JAK1: variants seen among roughly 807,000 people sequenced by gnomAD.
JAK1 encodes tyrosine-protein kinase JAK1.
Under a neutral mutation model 136.6 loss-of-function variants are expected in JAK1, and 16 were observed. That is an observed-to-expected ratio of 0.12 (90% CI 0.08 to 0.18). The LOEUF (loss-of-function observed/expected upper bound fraction) is 0.18. JAK1 is among the 10% of genes least tolerant of loss of function. The pLI, the probability that JAK1 is intolerant of heterozygous loss-of-function variation, is 1.00. For missense variants in JAK1, 859 were observed against 1,450.1 expected, an observed-to-expected ratio of 0.59 and a Z score of 6.62; for synonymous variants, 492 against 519.5, an observed-to-expected ratio of 0.95 and a Z score of 0.72.
chr1:65,057,562 G>C (rs1647602004), intron 1 of JAK1, among the ~76,000 whole-genome samples: 1 of 152,144 alleles, frequency 6.6e-6, no homozygotes, highest in Non-Finnish European at 1.5e-5. Flanking sequence ...TGGGTGGCCT[G>C]AGCCTGTAGT....
intron 1 of JAK1, among the ~76,000 whole-genome samples, chr1:65,058,088 G>A (rs1647629859): frequency 6.6e-6 from 1 of 151,982 alleles, no homozygotes; most frequent in Admixed American, 6.5e-5. Context: ...ACTGACAAGT[G>A]CCAAGCTGTT....
intron 2 of JAK1, among the ~76,000 whole-genome samples, chr1:64,998,905 A>G (rs984418365): frequency 2.6e-5 from 4 of 152,226 alleles, no homozygotes; most frequent in African/African-American, 9.7e-5. Flanking sequence ...GTATGTCTTT[A>G]TCAGCCACGT....
chr1:64,871,502 T>C (rs1018749052), intron 5 of JAK1, among the ~76,000 whole-genome samples: 2 of 152,160 alleles, frequency 1.3e-5, no homozygotes, highest in Non-Finnish European at 2.9e-5. Flanking sequence ...ATTTCCTACT[T>C]GAAATCTCCA....
At chr1:64,939,358 A>G (rs1206430016) in intron 1 of JAK1, among the ~76,000 whole-genome samples, 1 of 152,240 alleles carries the variant, frequency 6.6e-6, no homozygotes, top group Non-Finnish European at 1.5e-5. Flanking sequence ...CAGGACAAGG[A>G]AAGAAGTTCA....
At chr1:64,836,794 TCAGACTCCCTGGCTC>T (rs111512281) in intron 22 of JAK1, among the ~76,000 whole-genome samples, 1,986 of 152,106 alleles carry the variant, frequency 0.013, 51 homozygotes, top group African/African-American at 0.045. Flanking sequence ...AGCAGCCAAA[TCAGACTCCCTGGCTC>T]CAGACTCCCT....
In JAK1 at chr1:64,864,877, C is replaced by G. The variant is rs572559595; in HGVS notation, c.1086G>C (p.Glu362Asp). 5.6e-6 allele frequency: 9 copies of G among 1,613,690 alleles called. No homozygotes were observed. In the African/African-American group the frequency reaches 1.1e-4, roughly 19 times the overall value. Residue 362 changes from glutamate (E) to aspartate (D), a missense_variant, in exon 8 of 25, where the codon GAG (glutamate) becomes GAC (aspartate). Glu to Asp is a conservative substitution (Grantham distance 45). This residue lies in a region of JAK1 where 353 missense variants were observed against 494.0 expected (regional missense o/e 0.71). Coordinates refer to ENST00000342505, the MANE Select transcript of JAK1 (RefSeq NM_002227.4). ...KDEEKNKIREEWNNFSYFPEI... is the reference protein window; with the variant it reads ...KDEEKNKIREDWNNFSYFPEI... Reference sequence around the variant, plus strand: ...CAGGGAAGTAAGAAAAATTGTTCCACTCTTCCCGGATCTTGTTTTTCTCCT... The same window carrying G: ...CAGGGAAGTAAGAAAAATTGTTCCAGTCTTCCCGGATCTTGTTTTTCTCCT...
chr1:65,018,653 A>G (rs1043033020), intron 2 of JAK1, among the ~76,000 whole-genome samples: 3 of 152,222 alleles, frequency 2.0e-5, no homozygotes, highest in African/African-American at 4.8e-5. Context: ...TCGGGGAAAA[A>G]TCAACAAACC....
At position 64,844,928 on chromosome 1, in the gene JAK1, T is replaced by C. The variant is rs1365548316; in HGVS notation, c.2116-39A>G. ...AGGTCAAGTTTAGCCAAGCTGCTCC[T>C]TCCCGCATTCTATTTCCAACCCTGG... is the stretch of plus-strand genomic sequence containing the variant. On this transcript the variant is annotated intron_variant, in intron 15 of 24. Transcript: ENST00000342505. The surrounding 1 kb of genome is among the most constrained non-coding windows in gnomAD (Gnocchi z 5.7). 2 of 1,613,408 alleles carry C rather than the reference T, an allele frequency of 1.2e-6. No homozygotes were observed. The highest frequency in any genetic ancestry group is 1.7e-6 in the Non-Finnish European group (2 of 1,179,442).
chr1:64,867,525 C>G (rs1656779539), intron 6 of JAK1, among the ~76,000 whole-genome samples: 1 of 151,786 alleles, frequency 6.6e-6, no homozygotes, highest in African/African-American at 2.4e-5. Context: ...CATTCTTGTG[C>G]ACATTAGTAC....
chr1:64,845,040 C>CCTGTGATGTGCCTA, intron 15 of JAK1, 151 bp from the exon 16 acceptor site: 2 of 1,029,170 alleles, frequency 1.9e-6, no homozygotes, highest in Non-Finnish European at 2.9e-6. Context: ...GACTTAGGCA[C>CCTGTGATGTGCCTA]ATCACAGGTG....
At chr1:64,945,182 C>G (rs1053405013) in intron 1 of JAK1, among the ~76,000 whole-genome samples, 2 of 152,012 alleles carry the variant, frequency 1.3e-5, no homozygotes, top group African/African-American at 4.8e-5. Flanking sequence ...TCCATGTTAA[C>G]AAGATGGCAG....
chr1:64,956,293 G>A (rs1646186614), intron 1 of JAK1, among the ~76,000 whole-genome samples: 1 of 152,214 alleles, frequency 6.6e-6, no homozygotes, highest in Non-Finnish European at 1.5e-5. Context: ...GGGTCAGAAA[G>A]AAAGACGGTA....
intron 1 of JAK1, among the ~76,000 whole-genome samples, chr1:65,061,824 A>C (rs941107272): frequency 6.6e-6 from 1 of 152,196 alleles, no homozygotes; most frequent in Non-Finnish European, 1.5e-5. Context: ...AAGATTGATG[A>C]GGTGGCAGGT....
chr1:64,852,124 C>T (rs1273043377), intron 11 of JAK1, among the ~76,000 whole-genome samples: 4 of 152,238 alleles, frequency 2.6e-5, no homozygotes, highest in Non-Finnish European at 4.4e-5. Flanking sequence ...TCACATATTC[C>T]GACTGTTTTC....
At chr1:64,907,181 AC>A (rs2100241294) in intron 1 of JAK1, among the ~76,000 whole-genome samples, 2 of 152,324 alleles carry the variant, frequency 1.3e-5, no homozygotes, top group South Asian at 4.1e-4. Context: ...AAATAACAGT[AC>A]ATGGGGTTGG....
At position 64,984,975 on chromosome 1, in the gene JAK1, A is replaced by T; in HGVS notation, c.-78+59505T>A. The stretch of plus-strand genomic sequence containing the variant: ...GTCTGGCCCAATTTCAAAGAAGACC[A>T]CAAAGACCAAGATAGCCCCAATACA... On this transcript the variant is annotated intron_variant, in intron 2 of 25. Transcript: ENST00000671954. The surrounding 1 kb of genome is among the most constrained non-coding windows in gnomAD (Gnocchi z 4.1). 1 of 936,374 alleles carries T rather than the reference A, an allele frequency of 1.1e-6. No homozygotes were observed. Among genetic ancestry groups the T allele is most frequent in the Admixed American group, 1.7e-5 (1 of 57,956 alleles). The allele number at this position is 936,374 out of a possible 1,614,324, so 58.0% of individuals were successfully genotyped here. A position where few individuals can be genotyped will look rare whatever the true frequency, so the allele number is the denominator to read the frequency against.
intron 1 of JAK1, among the ~76,000 whole-genome samples, chr1:64,964,603 G>A (rs923440704): frequency 6.6e-6 from 1 of 152,138 alleles, no homozygotes; most frequent in East Asian, 1.9e-4. Context: ...TGAAATGGAG[G>A]AAACCATTTA....
At chr1:64,917,775 C>A (rs1454626075) in intron 1 of JAK1, among the ~76,000 whole-genome samples, 4 of 152,190 alleles carry the variant, frequency 2.6e-5, no homozygotes, top group African/African-American at 9.7e-5. Context: ...TGGAGCAGCA[C>A]ATTCCTCTTG....
intron 2 of JAK1, among the ~76,000 whole-genome samples, chr1:64,986,965 A>G (rs1471981952): frequency 6.6e-6 from 1 of 152,156 alleles, no homozygotes; most frequent in Non-Finnish European, 1.5e-5. Flanking sequence ...TTATTTTATT[A>G]TTAGCAGGGA....
Sources: allele counts gnomAD v4.1 joint callset (sites outside exome capture counted in the v4.1 genomes callset), GRCh38; gene constraint gnomAD v4.1.1; regional missense constraint gnomAD v4.1.1; non-coding constraint Gnocchi (gnomAD v3.1); transcripts MANE v1.5; gene names NCBI Gene and HGNC (gene_info 2026-07-23, HGNC 2026-07-21).